ZNF804A: variants seen among roughly 807,000 people sequenced by gnomAD.
ZNF804A encodes the protein zinc finger protein 804A.
In ZNF804A, 2 loss-of-function variants were observed where a neutral mutation model predicts 16.5. The ratio of observed to expected loss-of-function variants is 0.12; its 90% CI spans 0.05 to 0.38. The LOEUF is 0.38. Among genes scored for constraint, ZNF804A ranks in the 10% least tolerant of loss-of-function variants. ZNF804A has a pLI of 0.99. For missense variants in ZNF804A, 1,473 were observed against 1,390.7 expected, an observed-to-expected ratio of 1.06 and a Z score of -0.94; for synonymous variants, 534 against 489.6, an observed-to-expected ratio of 1.09 and a Z score of -1.20.
chr2:184,885,219 G>A (rs911308172), intron 2 of ZNF804A, among the ~76,000 whole-genome samples: 1 of 152,074 alleles, frequency 6.6e-6, no homozygotes, highest in Non-Finnish European at 1.5e-5. Flanking sequence ...TGAAAAAAGG[G>A]AACACTTATA....
At chr2:184,909,776 A>G (rs1009797897) in intron 2 of ZNF804A, among the ~76,000 whole-genome samples, 1 of 152,008 alleles carries the variant, frequency 6.6e-6, no homozygotes, top group Non-Finnish European at 1.5e-5. Flanking sequence ...CTGATATTTA[A>G]TAAGAAGACA....
At chr2:184,629,900 A>T (rs1037674852) in intron 1 of ZNF804A, among the ~76,000 whole-genome samples, 17 of 152,148 alleles carry the variant, frequency 1.1e-4, no homozygotes, top group African/African-American at 3.9e-4. Flanking sequence ...AAAAGTATGA[A>T]TTAGGCCTTA....
At chr2:184,923,485 T>C (rs977859363) in intron 2 of ZNF804A, among the ~76,000 whole-genome samples, 1 of 151,652 alleles carries the variant, frequency 6.6e-6, no homozygotes, top group Non-Finnish European at 1.5e-5. Flanking sequence ...GATTATATCA[T>C]CTGGAACAAA....
At chr2:184,610,134 G>GT (rs563177464) in intron 1 of ZNF804A, among the ~76,000 whole-genome samples, 48 of 152,016 alleles carry the variant, frequency 3.2e-4, no homozygotes, top group Non-Finnish European at 5.4e-4. Context: ...GCTGTTACTC[G>GT]TAAGTCCACT....
chr2:184,936,015 A>T lies in ZNF804A; in HGVS notation c.619A>T (p.Ile207Phe). ...CCAAGTTGGGGATCAAGCCCAGGGG[A>T]TTCACAGACACAAAATCGGCTTTTC... ...NNQVGDQAQGIHRHKIGFSFA... is the reference protein window; with the variant it reads ...NNQVGDQAQGFHRHKIGFSFA... Residue 207 changes from isoleucine to phenylalanine, a missense_variant, in exon 4 of 4, where the codon ATT becomes TTT. Coordinates refer to ENST00000302277, the MANE Select transcript of ZNF804A (RefSeq NM_194250.2). 2 of 1,614,086 alleles carry T rather than the reference A, an allele frequency of 1.2e-6. No individual in the cohort carries two copies. The highest frequency in any genetic ancestry group is 1.7e-6 in the Non-Finnish European group (2 of 1,179,962).
At chr2:184,653,326 T>C (rs755907601) in intron 1 of ZNF804A, among the ~76,000 whole-genome samples, 1 of 152,158 alleles carries the variant, frequency 6.6e-6, no homozygotes, top group Non-Finnish European at 1.5e-5. Context: ...TATAAAGACA[T>C]TTTGGATATC....
chr2:184,797,229 A>G (rs1694645583), intron 1 of ZNF804A, among the ~76,000 whole-genome samples: 4 of 152,110 alleles, frequency 2.6e-5, no homozygotes, highest in Admixed American at 2.6e-4. Flanking sequence ...TGGAGTATTG[A>G]AGTCCCTCAC....
intron 1 of ZNF804A, among the ~76,000 whole-genome samples, chr2:184,654,628 G>A (rs1396491280): frequency 6.6e-6 from 1 of 152,082 alleles, no homozygotes; most frequent in African/African-American, 2.4e-5. Flanking sequence ...GCTGCTAAGT[G>A]TTCAGTTGTC....
intron 2 of ZNF804A, among the ~76,000 whole-genome samples, chr2:184,900,113 A>G (rs181385263): frequency 6.6e-6 from 1 of 152,206 alleles, no homozygotes; most frequent in Admixed American, 6.6e-5. Context: ...TGGTGGGTGA[A>G]TGTCCAGCCC....
At chr2:184,630,342 C>T (rs1691585698) in intron 1 of ZNF804A, among the ~76,000 whole-genome samples, 1 of 152,084 alleles carries the variant, frequency 6.6e-6, no homozygotes, top group South Asian at 2.1e-4. Context: ...AAGTCATAGC[C>T]AGGATGTCTC....
intron 1 of ZNF804A, among the ~76,000 whole-genome samples, chr2:184,607,914 C>T (rs1218646673): frequency 1.4e-5 from 2 of 142,784 alleles, no homozygotes; most frequent in Non-Finnish European, 3.0e-5. Flanking sequence ...AACTGCACAC[C>T]ATGGAGAACC....
chr2:184,659,895 G>C (rs1372760696), intron 1 of ZNF804A, among the ~76,000 whole-genome samples: 1 of 152,160 alleles, frequency 6.6e-6, no homozygotes, highest in East Asian at 1.9e-4. Context: ...TCTATATCCA[G>C]CCAAGAGGCA....
Position 184,938,839 on chromosome 2 carries a change from T to A in ZNF804A, c.3443T>A (p.Val1148Glu), listed in dbSNP as rs1685845833. The change falls in exon 4 of 4, where the codon GTA (valine) becomes GAA (glutamate). Residue 1148 changes from valine (V) to glutamate (E), a missense_variant. Val to Glu is a moderately radical substitution (Grantham distance 121). Coordinates refer to ENST00000302277, the MANE Select transcript of ZNF804A (RefSeq NM_194250.2). Reference sequence around the variant, plus strand: ...AGAACCTCATTACCTCAGCTCTCAGTAGGACCAGTAGGACCGAGGCTTTGT... The same window carrying A: ...AGAACCTCATTACCTCAGCTCTCAGAAGGACCAGTAGGACCGAGGCTTTGT... The part of the protein sequence containing the change: ...LTRTSLPQLS[V>E]GPVGPRLCPG... The A allele has an allele frequency of 6.2e-7, 1 of 1,613,934 alleles. No homozygotes were observed. Among genetic ancestry groups the A allele is most frequent in the Non-Finnish European group, 8.5e-7 (1 of 1,179,944 alleles).
chr2:184,866,255 C>G, intron 1 of ZNF804A, 114 bp from the exon 2 acceptor site: 1 of 865,200 alleles, frequency 1.2e-6, no homozygotes, highest in Non-Finnish European at 1.7e-6. Context: ...TTCTTTTTCT[C>G]TTTGCTGTAT....
At chr2:184,708,433 C>T (rs1166582214) in intron 1 of ZNF804A, among the ~76,000 whole-genome samples, 1 of 152,070 alleles carries the variant, frequency 6.6e-6, no homozygotes, top group Non-Finnish European at 1.5e-5. Flanking sequence ...CAGCTTGGTA[C>T]TGGCAGAAAA....
At chr2:184,675,435 T>C (rs1411997652) in intron 1 of ZNF804A, among the ~76,000 whole-genome samples, 1 of 151,794 alleles carries the variant, frequency 6.6e-6, no homozygotes, top group East Asian at 1.9e-4. Flanking sequence ...CATATTACAA[T>C]GATATATTTT....
chr2:184,650,918 T>G (rs1030136892), intron 1 of ZNF804A, among the ~76,000 whole-genome samples: 1 of 152,142 alleles, frequency 6.6e-6, no homozygotes, highest in African/African-American at 2.4e-5. Flanking sequence ...TAATGTCATT[T>G]TTCACAAAAC....
chr2:184,937,498 A>G lies in ZNF804A; in HGVS notation c.2102A>G (p.Asn701Ser). 1.2e-6 allele frequency: 2 copies of G among 1,612,264 alleles called. No homozygotes were observed. The highest frequency in any genetic ancestry group is 1.7e-4 in the Middle Eastern group (1 of 6,048). ...TGTAAAAAGAACACAATACTTTTAAATGGACAATCAAATGCAACAATGATA... is the reference window on the plus strand; with the variant it reads ...TGTAAAAAGAACACAATACTTTTAAGTGGACAATCAAATGCAACAATGATA... ...NHCKKNTILL[N>S]GQSNATMIHS... The change falls in exon 4 of 4, where the codon AAT becomes AGT. Residue 701 changes from asparagine to serine, a missense_variant. Transcript: ENST00000302277.
chr2:184,865,473 C>T (rs1034896531), intron 1 of ZNF804A, among the ~76,000 whole-genome samples: 3 of 151,872 alleles, frequency 2.0e-5, no homozygotes, highest in African/African-American at 2.4e-5. Context: ...TCACATGTGG[C>T]GAGAGGGGGC....
Sources: gnomAD v4.1 joint callset for allele counts (sites outside exome capture counted in the v4.1 genomes callset) on GRCh38, gnomAD v4.1.1 for gene constraint, MANE v1.5 for transcripts, NCBI Gene and HGNC (gene_info 2026-07-23, HGNC 2026-07-21) for gene names.